ADGRL3: variants seen among roughly 807,000 people sequenced by gnomAD.
ADGRL3 encodes calcium-independent alpha-latrotoxin receptor 3.
A neutral mutation model predicts 153.5 loss-of-function variants in ADGRL3; 62 were observed. The observed-to-expected ratio is 0.40, with a 90% CI of 0.33 to 0.50. The LOEUF is 0.50. Among genes scored for constraint, ADGRL3 ranks in the 20% least tolerant of loss-of-function variants. The pLI is 0.47. For synonymous variants in ADGRL3, 710 were observed against 672.5 expected (o/e 1.06, Z -0.86); for missense variants, 1,641 against 1,859.4 (o/e 0.88, Z 2.16).
At chr4:61,207,765 A>C (rs1273506497) in intron 1 of ADGRL3, among the ~76,000 whole-genome samples, 3 of 152,054 alleles carry the variant, frequency 2.0e-5, no homozygotes, top group African/African-American at 4.8e-5. Flanking sequence ...ATGGTCTCTC[A>C]TTGTGGTTTT....
chr4:61,706,759 T>C (rs945045366), intron 6 of ADGRL3, among the ~76,000 whole-genome samples: 5 of 152,218 alleles, frequency 3.3e-5, no homozygotes, highest in Non-Finnish European at 7.3e-5. Context: ...TCCAGTTCAC[T>C]AAAACTTTTT....
chr4:61,407,322 T>C (rs916621304), intron 2 of ADGRL3, among the ~76,000 whole-genome samples: 6 of 152,144 alleles, frequency 3.9e-5, no homozygotes, highest in Non-Finnish European at 5.9e-5. Context: ...GATAGGTCAT[T>C]AGTCTTCACA....
chr4:61,513,138 A>G (rs1180474375), intron 3 of ADGRL3, among the ~76,000 whole-genome samples: 1 of 152,134 alleles, frequency 6.6e-6, no homozygotes, highest in Admixed American at 6.5e-5. Flanking sequence ...GTCCCAGCTC[A>G]CTGTTATGAT....
chr4:61,928,781 C>G (rs2049372215), intron 13 of ADGRL3, among the ~76,000 whole-genome samples: 1 of 152,022 alleles, frequency 6.6e-6, no homozygotes, highest in African/African-American at 2.4e-5. Context: ...GTTATTCTCT[C>G]AGAAGTCTTT....
chr4:61,433,394 A>C (rs150264512), intron 2 of ADGRL3, among the ~76,000 whole-genome samples: 3 of 150,650 alleles, frequency 2.0e-5, no homozygotes, highest in African/African-American at 7.3e-5. Context: ...CTCTCTCCCT[A>C]CTAAAGCTAT....
chr4:61,779,623 G>T (rs2152369651), intron 8 of ADGRL3, among the ~76,000 whole-genome samples: 1 of 95,950 alleles, frequency 1.0e-5, no homozygotes, highest in African/African-American at 4.3e-5. Context: ...GCTGCAGTAA[G>T]ACTCTGTCTC....
chr4:61,780,675 A>G (rs188071322), intron 8 of ADGRL3, among the ~76,000 whole-genome samples: 11 of 152,308 alleles, frequency 7.2e-5, no homozygotes, highest in Non-Finnish European at 1.5e-5. Context: ...TTCCCTAAAC[A>G]TAGACAGATG....
intron 6 of ADGRL3, among the ~76,000 whole-genome samples, chr4:61,726,210 GT>G (rs149472429): frequency 5.9e-5 from 7 of 118,480 alleles, no homozygotes; most frequent in Non-Finnish European, 1.2e-4. Context: ...TTTTTTTTTT[GT>G]TTTTTGAGAA....
intron 8 of ADGRL3, among the ~76,000 whole-genome samples, chr4:61,790,919 C>T (rs1270841676): frequency 1.3e-5 from 2 of 152,138 alleles, no homozygotes; most frequent in African/African-American, 4.8e-5. Context: ...GAGACTTAGT[C>T]ACTACCATGA....
intron 5 of ADGRL3, among the ~76,000 whole-genome samples, chr4:61,653,130 CCTCTCTCT>C (rs752724765): frequency 7.9e-5 from 11 of 139,360 alleles, no homozygotes; most frequent in Admixed American, 3.0e-4. Flanking sequence ...AAAGAGAAAG[CCTCTCTCT>C]CTCTCTCTCT....
At chr4:61,681,264 A>G (rs575836084) in intron 6 of ADGRL3, among the ~76,000 whole-genome samples, 49 of 152,248 alleles carry the variant, frequency 3.2e-4, no homozygotes, top group Non-Finnish European at 6.0e-4. Flanking sequence ...TTCTGAGCAA[A>G]GAATCTTTAC....
intron 5 of ADGRL3, among the ~76,000 whole-genome samples, chr4:61,642,160 T>G (rs1243733142): frequency 4.7e-5 from 7 of 149,798 alleles, no homozygotes; most frequent in East Asian, 3.9e-4. Flanking sequence ...TAAATTTGTT[T>G]GAGTTCATTG....
intron 21 of ADGRL3, among the ~76,000 whole-genome samples, chr4:62,007,457 C>CATATAT (rs1287283695): frequency 5.8e-5 from 6 of 103,730 alleles, no homozygotes; most frequent in East Asian, 5.4e-4. Flanking sequence ...CATATATATA[C>CATATAT]ATATATGTGT....
intron 4 of ADGRL3, among the ~76,000 whole-genome samples, chr4:61,520,652 CTGTGTGTGTGTG>C (rs545112505): frequency 8.4e-6 from 1 of 118,572 alleles, no homozygotes; most frequent in African/African-American, 3.1e-5. Context: ...CTATAAACCT[CTGTGTGTGTGTG>C]TGTGTGTGTG....
At chr4:61,420,647 CCGCCT>C (rs2097195088) in intron 2 of ADGRL3, 2 of 151,824 alleles carry the variant, frequency 1.3e-5, no homozygotes, top group Admixed American at 1.3e-4. Context: ...ACCTCGTGAT[CCGCCT>C]GCCTCGGCCT....
At chr4:61,273,182 A>G (rs2093289729) in intron 1 of ADGRL3, among the ~76,000 whole-genome samples, 1 of 152,186 alleles carries the variant, frequency 6.6e-6, no homozygotes, top group African/African-American at 2.4e-5. Flanking sequence ...TGATGTACTC[A>G]GGACCAGATT....
chr4:61,972,185 GC>G (rs1417532511), intron 17 of ADGRL3, among the ~76,000 whole-genome samples: 2 of 151,994 alleles, frequency 1.3e-5, no homozygotes, highest in Non-Finnish European at 2.9e-5. Context: ...GTCAGTTTTG[GC>G]TTTTGTTGCC....
intron 8 of ADGRL3, among the ~76,000 whole-genome samples, chr4:61,793,635 C>G (rs1428484676): frequency 3.3e-5 from 5 of 152,126 alleles, no homozygotes; most frequent in Non-Finnish European, 7.3e-5. Flanking sequence ...TTTGCAACAA[C>G]TAATTTTACC....
At chr4:61,290,505 G>A (rs2094133388) in intron 1 of ADGRL3, among the ~76,000 whole-genome samples, 1 of 151,982 alleles carries the variant, frequency 6.6e-6, no homozygotes, top group South Asian at 2.1e-4. Context: ...TTAGCCAGGT[G>A]TGGTGGCTTA....
Sources: allele counts gnomAD v4.1 joint callset (sites outside exome capture counted in the v4.1 genomes callset), GRCh38; gene constraint gnomAD v4.1.1; transcripts MANE v1.5; gene names NCBI Gene and HGNC (gene_info 2026-07-23, HGNC 2026-07-21).